Variants in MBNL3 observed in about 807,000 individuals in gnomAD.
The protein encoded by MBNL3 is muscleblind like splicing regulator 3, also known as muscleblind-like protein 3.
Under a neutral mutation model 24.5 loss-of-function variants are expected in MBNL3, and 6 were observed. The observed-to-expected ratio is 0.25, with a 90% CI of 0.13 to 0.48. The LOEUF (loss-of-function observed/expected upper bound fraction) is 0.48. Among genes scored for constraint, MBNL3 ranks in the 20% least tolerant of loss-of-function variants. The pLI is 0.99. For synonymous variants in MBNL3, 100 were observed against 101.7 expected (o/e 0.98, Z 0.10); for missense variants, 230 against 293.5 (o/e 0.78, Z 1.58).
chrX:132,463,612 A>G (rs1946741781), intron 1 of MBNL3, among the ~76,000 whole-genome samples: 1 of 112,090 alleles, frequency 8.9e-6, no homozygotes, highest in South Asian at 3.7e-4. Context: ...ATAACCACGC[A>G]CCACCTAGTG....
chrX:132,403,368 T>C (rs1941269047), intron 3 of MBNL3, among the ~76,000 whole-genome samples: 1 of 111,508 alleles, frequency 9.0e-6, no homozygotes, highest in Non-Finnish European at 1.9e-5. Flanking sequence ...ACAGCTATCA[T>C]TAAATAATCT....
chrX:132,373,835 T>G lies in MBNL3; in HGVS notation c.*5831A>C. Reference sequence around the variant, plus strand: ...TTTTGGCTGGTTCTCTTCTGTTTAGTTAAAACAAAACAGTGGGAGGCTGAA... The same window carrying G: ...TTTTGGCTGGTTCTCTTCTGTTTAGGTAAAACAAAACAGTGGGAGGCTGAA... On this transcript the variant is annotated 3_prime_UTR_variant, in exon 9 of 9. Coordinates refer to ENST00000370853, the MANE Select transcript of MBNL3 (RefSeq NM_001386889.1). 8.9e-6 allele frequency: 1 copy of G among 111,921 alleles called. No individual in the cohort carries two copies. Among genetic ancestry groups the G allele is most frequent in the Non-Finnish European group, 1.9e-5 (1 of 53,057 alleles). The allele number at this position is 111,921 out of a possible 1,213,427, so 9.2% of individuals were successfully genotyped here.
At chrX:132,440,868 G>C (rs1945355968) in intron 1 of MBNL3, among the ~76,000 whole-genome samples, 1 of 112,752 alleles carries the variant, frequency 8.9e-6, no homozygotes, top group Non-Finnish European at 1.9e-5. Context: ...TACTGAAATA[G>C]CATTAACGCA....
At chrX:132,384,102 A>G (rs1233864236) in intron 7 of MBNL3, among the ~76,000 whole-genome samples, 2 of 112,094 alleles carry the variant, frequency 1.8e-5, no homozygotes, top group African/African-American at 6.5e-5. Context: ...TCAAAGAGTC[A>G]TTTTGAAATG....
intron 3 of MBNL3, among the ~76,000 whole-genome samples, chrX:132,401,610 C>CAAA (rs536128391): frequency 8.9e-4 from 74 of 82,787 alleles, no homozygotes; most frequent in African/African-American, 3.2e-3. Context: ...TACCGTGTCT[C>CAAA]AAAAAAAAAA....
chrX:132,381,450 A>G (rs745495298), intron 8 of MBNL3: 10 of 1,000,950 alleles, frequency 1.0e-5, no homozygotes, highest in Non-Finnish European at 1.1e-5. Flanking sequence ...AGTAAAAAAG[A>G]TTTTAGATTA....
intron 3 of MBNL3, among the ~76,000 whole-genome samples, chrX:132,394,925 G>A (rs1937781199): frequency 9.0e-6 from 1 of 111,638 alleles, no homozygotes; most frequent in Admixed American, 9.5e-5. Flanking sequence ...AAATGTAAAG[G>A]GCTTACTGAA....
rs6634896 is a variant in MBNL3 at position 132,447,660 on chromosome X, G to A, written c.-703-7346C>T. 4.1e-3 allele frequency among the ~76,000 whole-genome samples: 457 copies of A among 111,893 alleles called. 8 individuals are homozygous for A. The East Asian group carries it at 0.075, about 18-fold the overall frequency. ...GCTTAAGGAGATTTTGGGCTGAGAC[G>A]ATGGGATTTTCTAAATATACAATCA... On this transcript the variant is annotated intron_variant, in intron 1 of 8. Coordinates refer to ENST00000370853, the MANE Select transcript of MBNL3 (RefSeq NM_001386889.1).
chrX:132,434,781 T>G (rs926757270), intron 2 of MBNL3, among the ~76,000 whole-genome samples: 10 of 111,487 alleles, frequency 9.0e-5, no homozygotes, highest in Non-Finnish European at 1.7e-4. Context: ...TGGAGGAGAC[T>G]AAGGAGATAT....
At chrX:132,446,027 T>C (rs1945696859) in intron 1 of MBNL3, among the ~76,000 whole-genome samples, 1 of 111,546 alleles carries the variant, frequency 9.0e-6, no homozygotes, top group South Asian at 3.8e-4. Context: ...CTCCCACTTA[T>C]GAGTGAAAAT....
At chrX:132,387,281 A>G (rs1936247676) in intron 5 of MBNL3, among the ~76,000 whole-genome samples, 1 of 107,122 alleles carries the variant, frequency 9.3e-6, no homozygotes, top group Non-Finnish European at 1.9e-5. Context: ...CAAGAAAAAA[A>G]AAAAAAAAAA....
intron 2 of MBNL3, among the ~76,000 whole-genome samples, chrX:132,406,689 C>G (rs1254765670): frequency 8.9e-6 from 1 of 111,951 alleles, no homozygotes; most frequent in Non-Finnish European, 1.9e-5. Context: ...ATGTTAAGCA[C>G]TTTCAAGACA....
Position 132,439,825 on chromosome X carries a change from G to T in MBNL3, c.-214C>A. On this transcript the variant is annotated 5_prime_UTR_variant, in exon 2 of 9. Transcript: ENST00000370853. ...AAAAACTATCAGAATAACTAAAAAT[G>T]AAATTAGAGACCAACTCTTAAGAAG... 2 of 439,469 alleles carry T rather than the reference G, an allele frequency of 4.6e-6. No homozygotes were observed. Among genetic ancestry groups the T allele is most frequent in the Non-Finnish European group, 6.6e-6 (2 of 304,126 alleles). 36.2% of individuals were successfully genotyped at this position (439,469 alleles called of 1,213,427 possible). A position where few individuals can be genotyped will look rare whatever the true frequency, so the allele number is the denominator to read the frequency against.
intron 3 of MBNL3, among the ~76,000 whole-genome samples, chrX:132,392,750 C>G (rs926556456): frequency 9.0e-6 from 1 of 111,051 alleles, no homozygotes; most frequent in African/African-American, 3.3e-5. Context: ...CTTCCTCTTT[C>G]CTCTTCACCA....
chrX:132,425,143 TC>T (rs1334340862), intron 2 of MBNL3, among the ~76,000 whole-genome samples: 3 of 111,976 alleles, frequency 2.7e-5, no homozygotes, highest in Non-Finnish European at 5.6e-5. Context: ...TCTCAAATGT[TC>T]CAGACACCTT....
At chrX:132,402,336 T>C (rs994224026) in intron 3 of MBNL3, among the ~76,000 whole-genome samples, 3 of 111,583 alleles carry the variant, frequency 2.7e-5, no homozygotes, top group African/African-American at 9.8e-5. Context: ...TAAAACATTT[T>C]AACAGCCTGT....
Position 132,376,176 on chromosome X carries a change from C to T in MBNL3, c.*3490G>A, listed in dbSNP as rs974651864. On this transcript the variant is annotated 3_prime_UTR_variant, in exon 9 of 9. Transcript: ENST00000370853. The stretch of plus-strand genomic sequence containing the variant: ...CAAAGTGCTTCAGCATGTTCAAAAA[C>T]GGATGAAAAAAATTGATGGAGTAGA... 3.6e-5 allele frequency: 4 copies of T among 110,570 alleles called. No homozygotes were observed. The highest frequency in any genetic ancestry group is 6.5e-5 in the African/African-American group (2 of 30,552). 9.1% of individuals were successfully genotyped at this position (110,570 alleles called of 1,213,427 possible).
chrX:132,379,873 A>G (rs764610999), intron 8 of MBNL3, among the ~76,000 whole-genome samples, 196 bp from the exon 9 acceptor site: 2 of 111,811 alleles, frequency 1.8e-5, no homozygotes, highest in South Asian at 3.7e-4. Flanking sequence ...ATGATAGTCT[A>G]TGATACCCTT....
chrX:132,472,043 G>A (rs1055072434), intron 1 of MBNL3, among the ~76,000 whole-genome samples: 1 of 112,350 alleles, frequency 8.9e-6, no homozygotes, highest in African/African-American at 3.2e-5. Flanking sequence ...CTGGTATACT[G>A]AACTTTTCTC....
Sources: allele counts gnomAD v4.1 joint callset (sites outside exome capture counted in the v4.1 genomes callset), GRCh38; gene constraint gnomAD v4.1.1; transcripts MANE v1.5; gene names NCBI Gene and HGNC (gene_info 2026-07-23, HGNC 2026-07-21).